COL26A1: variants seen among roughly 807,000 people sequenced by gnomAD.
The protein encoded by COL26A1 is collagen type XXVI alpha 1 chain, also known as collagen alpha-1(XXVI) chain.
A neutral mutation model predicts 59.3 loss-of-function variants in COL26A1; 41 were observed. The observed-to-expected ratio is 0.69, with a 90% confidence interval of 0.54 to 0.90. The LOEUF is 0.90. Ranked by LOEUF, COL26A1 falls within the 40% of genes least tolerant of loss-of-function variation. The pLI, the probability that COL26A1 is intolerant of heterozygous loss-of-function variation, is 0.00. For missense variants in COL26A1, 612 were observed against 602.3 expected (o/e 1.02, Z -0.17); for synonymous variants, 266 against 256.0 (o/e 1.04, Z -0.37).
chr7:101,553,614 G>T (rs911356555), intron 11 of COL26A1, among the ~76,000 whole-genome samples: 2 of 152,160 alleles, frequency 1.3e-5, no homozygotes, highest in Non-Finnish European at 2.9e-5. Context: ...CACAGAGGGG[G>T]TGATTGGCCC....
intron 3 of COL26A1, among the ~76,000 whole-genome samples, chr7:101,521,515 C>T (rs550602017): frequency 6.6e-6 from 1 of 152,002 alleles, no homozygotes; most frequent in Non-Finnish European, 1.5e-5. Context: ...GCTAGCTGAC[C>T]AATGCAGGTG....
At chr7:101,531,860 G>A (rs1471321213) in intron 3 of COL26A1, among the ~76,000 whole-genome samples, 5 of 152,132 alleles carry the variant, frequency 3.3e-5, no homozygotes, top group Admixed American at 6.5e-5. Context: ...ACAAGGGGGA[G>A]GCTGACAGTG....
At position 101,545,398 on chromosome 7, in the gene COL26A1, C is replaced by T; in HGVS notation, c.764C>T (p.Pro255Leu). ...GGAGAGATGGGGCGCCCCGGCCCCCCAGGACCACCCGGCCCAGCAGGCAAC... is the reference window on the plus strand; with the variant it reads ...GGAGAGATGGGGCGCCCCGGCCCCCTAGGACCACCCGGCCCAGCAGGCAAC... ...LPGEMGRPGP[P>L]GPPGPAGNPG... Residue 255 changes from proline (P) to leucine (L), a missense_variant, in exon 7 of 13, where the codon CCA becomes CTA. Transcript: ENST00000313669. 1 of 1,604,522 alleles carries T rather than the reference C, an allele frequency of 6.2e-7. No homozygotes were observed. The highest frequency in any genetic ancestry group is 8.5e-7 in the Non-Finnish European group (1 of 1,176,836).
chr7:101,436,337 G>A (rs1305973189), intron 2 of COL26A1, among the ~76,000 whole-genome samples: 1 of 152,120 alleles, frequency 6.6e-6, no homozygotes, highest in Admixed American at 6.6e-5. Flanking sequence ...CCTGCCTCCC[G>A]CTCTGAAACC....
At chr7:101,401,541 A>T in intron 1 of COL26A1, among the ~76,000 whole-genome samples, 1 of 149,010 alleles carries the variant, frequency 6.7e-6, no homozygotes, top group Non-Finnish European at 1.5e-5. Context: ...AAGGAGGAGG[A>T]AGAGGAAGAG....
intron 1 of COL26A1, among the ~76,000 whole-genome samples, chr7:101,384,644 A>T (rs1054014075): frequency 6.6e-6 from 1 of 152,088 alleles, no homozygotes; most frequent in Non-Finnish European, 1.5e-5. Flanking sequence ...ATAGTCTTCC[A>T]ATGTGTGTGT....
chr7:101,374,930 G>A (rs118045795), intron 1 of COL26A1, among the ~76,000 whole-genome samples: 7,600 of 151,928 alleles, frequency 0.05, 205 homozygotes, highest in Non-Finnish European at 0.065. Flanking sequence ...GTGTGTTGGC[G>A]GGCACCTGTA....
chr7:101,418,024 C>T (rs976433110), intron 1 of COL26A1, among the ~76,000 whole-genome samples: 9 of 151,992 alleles, frequency 5.9e-5, no homozygotes, highest in Admixed American at 3.9e-4. Context: ...CATGCCCAGT[C>T]GTATATATAT....
chr7:101,516,632 G>A (rs6947735), intron 3 of COL26A1, among the ~76,000 whole-genome samples: 94,568 of 151,968 alleles, frequency 0.62, 30,603 homozygotes, highest in African/African-American at 0.75. Flanking sequence ...ATGCAGTCTA[G>A]TCCCACATTC....
intron 3 of COL26A1, among the ~76,000 whole-genome samples, chr7:101,525,325 G>A (rs147400388): frequency 0.022 from 3,256 of 151,174 alleles, 119 homozygotes; most frequent in African/African-American, 0.075. Flanking sequence ...GGGACTACAG[G>A]CGTGTGCCGC....
chr7:101,512,416 C>T (rs902880086), intron 3 of COL26A1, among the ~76,000 whole-genome samples: 1 of 151,966 alleles, frequency 6.6e-6, no homozygotes, highest in South Asian at 2.1e-4. Flanking sequence ...ACCAGGGGTT[C>T]GAGATGAGCT....
intron 1 of COL26A1, among the ~76,000 whole-genome samples, chr7:101,375,570 C>T: frequency 6.6e-6 from 1 of 151,800 alleles, no homozygotes; most frequent in East Asian, 1.9e-4. Flanking sequence ...TGTGGTAGGG[C>T]ACACTTGCAA....
At chr7:101,556,893 G>GTGGATGGATGGATGGATGGA (rs145625482) in intron 12 of COL26A1, among the ~76,000 whole-genome samples, 1 of 146,526 alleles carries the variant, frequency 6.8e-6, no homozygotes, top group African/African-American at 2.6e-5. Flanking sequence ...GAATGACTGA[G>GTGGATGGATGGATGGATGGA]TGGATGGATG....
chr7:101,399,886 G>A (rs1044715967), intron 1 of COL26A1, among the ~76,000 whole-genome samples: 1 of 152,088 alleles, frequency 6.6e-6, no homozygotes, highest in Admixed American at 6.6e-5. Flanking sequence ...TTCTTCCATG[G>A]CCCCCGCTGC....
intron 1 of COL26A1, among the ~76,000 whole-genome samples, chr7:101,363,546 G>C (rs1432004717): frequency 1.7e-4 from 24 of 145,402 alleles, no homozygotes; most frequent in Non-Finnish European, 2.4e-4. Flanking sequence ...GGGGCGGCGG[G>C]GGTTGGGGGC....
chr7:101,363,585 G>C (rs1790960662), intron 1 of COL26A1, among the ~76,000 whole-genome samples: 1 of 146,814 alleles, frequency 6.8e-6, no homozygotes, highest in South Asian at 2.3e-4. Context: ...AACGAGCGAT[G>C]GAGGAGGCTG....
intron 3 of COL26A1, among the ~76,000 whole-genome samples, chr7:101,509,753 G>A (rs1455752793): frequency 6.6e-6 from 1 of 151,938 alleles, no homozygotes; most frequent in African/African-American, 2.4e-5. Flanking sequence ...TTTTTGACGG[G>A]GCCTCACTCT....
chr7:101,555,066 GGGCTGGGCAGGATGGGGACAGT>G (rs368694687), intron 11 of COL26A1, among the ~76,000 whole-genome samples: 4,754 of 152,244 alleles, frequency 0.031, 238 homozygotes, highest in African/African-American at 0.11. Context: ...CCAACTCCCA[GGGCTGGGCAGGATGGGGACAGT>G]GGCTTTGTCT....
intron 1 of COL26A1, among the ~76,000 whole-genome samples, chr7:101,412,150 C>G (rs1342285494): frequency 2.0e-5 from 3 of 151,966 alleles, no homozygotes; most frequent in Non-Finnish European, 4.4e-5. Context: ...GACACCAGAC[C>G]AAATTGAGGA....
Sources: gnomAD v4.1 joint callset for allele counts (sites outside exome capture counted in the v4.1 genomes callset) on GRCh38, gnomAD v4.1.1 for gene constraint, MANE v1.5 for transcripts, NCBI Gene and HGNC (gene_info 2026-07-23, HGNC 2026-07-21) for gene names.